CSMD3: variants seen among roughly 807,000 people sequenced by gnomAD.
CSMD3 encodes the protein CUB and sushi domain-containing protein 3.
In CSMD3, 177 loss-of-function variants were observed where a neutral mutation model predicts 435.2. The ratio of observed to expected loss-of-function variants is 0.41; its 90% CI spans 0.36 to 0.46. The LOEUF (loss-of-function observed/expected upper bound fraction) is 0.46. Ranked by LOEUF, CSMD3 falls within the 20% of genes least tolerant of loss-of-function variation. The pLI, the probability that CSMD3 is intolerant of heterozygous loss-of-function variation, is 0.34. For missense variants in CSMD3, 4,265 were observed against 4,504.6 expected, an observed-to-expected ratio of 0.95 and a Z score of 1.52; for synonymous variants, 1,656 against 1,520.5, an observed-to-expected ratio of 1.09 and a Z score of -2.07.
intron 6 of CSMD3, among the ~76,000 whole-genome samples, chr8:112,977,205 T>C (rs961455066): frequency 1.8e-4 from 28 of 151,970 alleles, no homozygotes; most frequent in Admixed American, 5.9e-4. Flanking sequence ...CTAAAATCCT[T>C]AACAGCAACA....
At chr8:113,075,127 A>T (rs2089284634) in intron 5 of CSMD3, among the ~76,000 whole-genome samples, 1 of 151,810 alleles carries the variant, frequency 6.6e-6, no homozygotes, top group Non-Finnish European at 1.5e-5. Context: ...TATTTAATTG[A>T]CATACCACTT....
intron 1 of CSMD3, among the ~76,000 whole-genome samples, chr8:113,407,522 C>T (rs1445369951): frequency 1.3e-5 from 2 of 151,906 alleles, no homozygotes; most frequent in Non-Finnish European, 2.9e-5. Context: ...GATTCATTGA[C>T]AATGACTTTA....
At chr8:112,649,811 A>C (rs566487080) in intron 19 of CSMD3, among the ~76,000 whole-genome samples, 1 of 152,312 alleles carries the variant, frequency 6.6e-6, no homozygotes, top group South Asian at 2.1e-4. Flanking sequence ...GCAGGAAACA[A>C]ATGCTGCATT....
chr8:112,613,100 A>G (rs1833392401), intron 22 of CSMD3, among the ~76,000 whole-genome samples: 1 of 152,032 alleles, frequency 6.6e-6, no homozygotes. Context: ...AGGAAAGTCT[A>G]TGTGTTATAA....
At chr8:112,351,045 A>G (rs1826093469) in intron 40 of CSMD3, 130 bp downstream of exon 40, 1 of 540,400 alleles carries the variant, frequency 1.9e-6, no homozygotes, top group South Asian at 3.1e-5. Flanking sequence ...GGTAAAAGGC[A>G]AACTATATGT....
Position 113,417,435 on chromosome 8 carries a change from T to A in CSMD3, c.178+19242A>T, listed in dbSNP as rs1389961347. On this transcript the variant is annotated intron_variant, in intron 1 of 70. Coordinates refer to ENST00000297405, the MANE Select transcript of CSMD3 (RefSeq NM_198123.2). ...AAAGTTATGATGGTAAAAAACAAAG[T>A]CTGTTTTTGTGAAAGATAATTTTAT... Among the ~76,000 whole-genome samples, 5 of 151,698 alleles carry A rather than the reference T, an allele frequency of 3.3e-5. No individual in the cohort carries two copies. The East Asian group carries it at 9.6e-4, about 29-fold the overall frequency.
chr8:112,239,430 A>G (rs1380124202), intron 66 of CSMD3, among the ~76,000 whole-genome samples: 3 of 151,962 alleles, frequency 2.0e-5, no homozygotes, highest in Admixed American at 2.0e-4. Context: ...CCTTTATAAT[A>G]TCTTTATCCG....
chr8:113,287,643 A>G (rs937400915), intron 2 of CSMD3, among the ~76,000 whole-genome samples: 7 of 152,060 alleles, frequency 4.6e-5, no homozygotes, highest in African/African-American at 1.7e-4. Flanking sequence ...ATACATGTAA[A>G]TATTTGTCAG....
In CSMD3 at chr8:113,030,096, A is replaced by T. The variant is rs2087029305; in HGVS notation, c.918-10917T>A. 2.0e-5 allele frequency among the ~76,000 whole-genome samples: 3 copies of T among 151,366 alleles called. No individual in the cohort carries two copies. In the South Asian group the frequency reaches 6.3e-4, roughly 32 times the overall value. On this transcript the variant is annotated intron_variant, in intron 5 of 70. Coordinates refer to ENST00000297405, the MANE Select transcript of CSMD3 (RefSeq NM_198123.2). Reference sequence around the variant, plus strand: ...AGGAATTGAAAGACCTCTGCAAGGAAAACTACAAAACACTGCTGAAAGAAA... The same window carrying T: ...AGGAATTGAAAGACCTCTGCAAGGATAACTACAAAACACTGCTGAAAGAAA...
chr8:112,747,790 C>A (rs1423260099), intron 13 of CSMD3, among the ~76,000 whole-genome samples: 1 of 151,718 alleles, frequency 6.6e-6, no homozygotes, highest in Non-Finnish European at 1.5e-5. Flanking sequence ...GGTGAAACCC[C>A]GTCTCTACTA....
rs1225151166 is a variant in CSMD3, at chr8:112,741,917, T to C, written c.1973-51867A>G. On this transcript the variant is annotated intron_variant, in intron 13 of 70. Transcript: ENST00000297405. ...CCAGTGGAAAATGTTAAGTATATTG[T>C]GAAATAGAAGAAAACTGTTGAAGAG... Among the ~76,000 whole-genome samples, 3 of 151,706 alleles carry C rather than the reference T, an allele frequency of 2.0e-5. No individual in the cohort carries two copies. In the East Asian group the frequency reaches 5.8e-4, roughly 29 times the overall value.
At chr8:113,167,044 A>G (rs766578706) in intron 4 of CSMD3, among the ~76,000 whole-genome samples, 1 of 152,120 alleles carries the variant, frequency 6.6e-6, no homozygotes, top group Non-Finnish European at 1.5e-5. Context: ...TTAAGGTTTT[A>G]TATCTTCTCA....
chr8:113,049,195 C>G (rs370265085), intron 5 of CSMD3, among the ~76,000 whole-genome samples: 2 of 152,104 alleles, frequency 1.3e-5, no homozygotes, highest in African/African-American at 4.8e-5. Flanking sequence ...GCCAAGATCA[C>G]GCCACTGCAC....
chr8:112,490,051 G>T (rs994790109), intron 31 of CSMD3, among the ~76,000 whole-genome samples: 4 of 152,066 alleles, frequency 2.6e-5, no homozygotes, highest in Admixed American at 6.5e-5. Context: ...AACACCTGAT[G>T]CAAGATGTGA....
At chr8:113,000,768 C>G (rs980774916) in intron 6 of CSMD3, among the ~76,000 whole-genome samples, 1 of 151,922 alleles carries the variant, frequency 6.6e-6, no homozygotes, top group Non-Finnish European at 1.5e-5. Context: ...TAAATGCTAT[C>G]TTTCTGGGCT....
intron 10 of CSMD3, among the ~76,000 whole-genome samples, chr8:112,862,357 C>T (rs1176063628): frequency 1.3e-5 from 2 of 151,928 alleles, no homozygotes; most frequent in Non-Finnish European, 1.5e-5. Context: ...TATATCATGA[C>T]GACTGTTCTA....
chr8:112,405,332 T>G (rs1831752027), intron 35 of CSMD3, among the ~76,000 whole-genome samples: 1 of 147,046 alleles, frequency 6.8e-6, no homozygotes, highest in South Asian at 2.1e-4. Flanking sequence ...TAGAATTATT[T>G]TATAACCTGA....
chr8:113,144,683 G>A (rs749465646), intron 4 of CSMD3, among the ~76,000 whole-genome samples: 36 of 151,112 alleles, frequency 2.4e-4, no homozygotes, highest in Non-Finnish European at 4.1e-4. Flanking sequence ...AATTTATCTG[G>A]TCCAATTTAC....
chr8:113,293,611 C>T (rs999769211), intron 2 of CSMD3, among the ~76,000 whole-genome samples: 1 of 152,070 alleles, frequency 6.6e-6, no homozygotes, highest in African/African-American at 2.4e-5. Context: ...AAAGCCCAAT[C>T]CCTCGGTCTC....
Sources: allele counts gnomAD v4.1 joint callset (sites outside exome capture counted in the v4.1 genomes callset), GRCh38; gene constraint gnomAD v4.1.1; transcripts MANE v1.5; gene names NCBI Gene and HGNC (gene_info 2026-07-23, HGNC 2026-07-21).